The following PHACTR4 variants were observed in gnomAD, a reference collection of about 807,000 sequenced individuals.
PHACTR4 encodes protein phosphatase 1, regulatory subunit 124.
Under a neutral mutation model 72.7 loss-of-function variants are expected in PHACTR4, and 51 were observed. That is an observed-to-expected ratio of 0.70 (90% CI 0.56 to 0.89). The LOEUF (loss-of-function observed/expected upper bound fraction) is 0.89. Ranked by LOEUF, PHACTR4 falls within the 40% of genes least tolerant of loss-of-function variation. The pLI is 0.00. For missense variants in PHACTR4, 731 were observed against 861.8 expected (o/e 0.85, Z 1.90); for synonymous variants, 255 against 302.5 (o/e 0.84, Z 1.63).
intron 2 of PHACTR4, among the ~76,000 whole-genome samples, chr1:28,415,911 T>G (rs1190272619): frequency 6.6e-6 from 1 of 152,240 alleles, no homozygotes; most frequent in Non-Finnish European, 1.5e-5. Context: ...TATTTTTTTC[T>G]TATTCTGTAT....
intron 2 of PHACTR4, among the ~76,000 whole-genome samples, chr1:28,423,418 A>AATAC (rs1440728707): frequency 1.6e-5 from 2 of 126,012 alleles, no homozygotes. Context: ...CAAATAAATA[A>AATAC]ATAAATAAAT....
At chr1:28,448,710 C>G (rs1389373827) in intron 2 of PHACTR4, among the ~76,000 whole-genome samples, 1 of 117,242 alleles carries the variant, frequency 8.5e-6, no homozygotes, top group South Asian at 2.7e-4. Flanking sequence ...TGCAGTGAGC[C>G]GAGATCGTGC....
chr1:28,490,758 G>T (rs142177085), intron 10 of PHACTR4, among the ~76,000 whole-genome samples, 193 bp from the exon 11 acceptor site: 1 of 151,386 alleles, frequency 6.6e-6, no homozygotes, highest in African/African-American at 2.4e-5. Context: ...CAGGAGAATC[G>T]CTTGAACTCG....
chr1:28,434,680 T>C (rs1033750220), intron 2 of PHACTR4, among the ~76,000 whole-genome samples: 2 of 152,166 alleles, frequency 1.3e-5, no homozygotes, highest in African/African-American at 4.8e-5. Flanking sequence ...CAGTGAGCCA[T>C]GCCAAGATTT....
At chr1:28,402,792 A>G (rs1488286613) in intron 1 of PHACTR4, among the ~76,000 whole-genome samples, 2 of 152,212 alleles carry the variant, frequency 1.3e-5, no homozygotes, top group Non-Finnish European at 2.9e-5. Context: ...CTAGCAAGAC[A>G]TGCTTCTGTT....
intron 1 of PHACTR4, among the ~76,000 whole-genome samples, chr1:28,395,059 GC>G (rs1280701642): frequency 1.3e-5 from 2 of 150,948 alleles, no homozygotes; most frequent in Non-Finnish European, 2.9e-5. Flanking sequence ...GATTACAGGC[GC>G]CCACCACCAC....
chr1:28,376,455 A>G (rs1302723319), intron 1 of PHACTR4, among the ~76,000 whole-genome samples: 1 of 150,692 alleles, frequency 6.6e-6, no homozygotes, highest in Non-Finnish European at 1.5e-5. Context: ...AACTGGGACT[A>G]CAGGCATGCA....
chr1:28,436,465 A>C (rs558282741), intron 2 of PHACTR4, among the ~76,000 whole-genome samples: 1 of 152,256 alleles, frequency 6.6e-6, no homozygotes, highest in African/African-American at 2.4e-5. Flanking sequence ...GATATTAGAC[A>C]CAGGATTTGA....
rs1251115945 is a variant in PHACTR4, at chr1:28,496,617, G to A, written c.*68G>A. On this transcript the variant is annotated 3_prime_UTR_variant, in exon 14 of 14. Transcript: ENST00000373839. ...TTCCTTCTCCAAAGTGACATATGGA[G>A]GGAACTTTAGCACTTCCCAGCACAG... The A allele has an allele frequency of 3.8e-6, 6 of 1,575,022 alleles. No homozygotes were observed. In the East Asian group the frequency reaches 8.9e-5, roughly 23 times the overall value.
At chr1:28,461,054 G>A (rs1227885944) in intron 4 of PHACTR4, among the ~76,000 whole-genome samples, 1 of 152,184 alleles carries the variant, frequency 6.6e-6, no homozygotes, top group African/African-American at 2.4e-5. Flanking sequence ...ACTCTATGAA[G>A]CAAGTTATTG....
chr1:28,415,215 C>T lies in PHACTR4; in HGVS notation c.16+7752C>T, dbSNP rs528229524. ...GGCGGAGGTTGCAGTGAGCCAAGAT[C>T]ACGCCACTCCACGCCAGCCTGGGCA... On this transcript the variant is annotated intron_variant, in intron 2 of 13. Coordinates refer to ENST00000373839, the MANE Select transcript of PHACTR4 (RefSeq NM_001048183.3). 2.0e-5 allele frequency among the ~76,000 whole-genome samples: 3 copies of T among 149,790 alleles called. No homozygotes were observed. In the East Asian group the frequency reaches 5.9e-4, roughly 29 times the overall value.
At chr1:28,402,247 A>G (rs1398576439) in intron 1 of PHACTR4, among the ~76,000 whole-genome samples, 2 of 152,124 alleles carry the variant, frequency 1.3e-5, no homozygotes, top group Admixed American at 1.3e-4. Flanking sequence ...TGCCCTACTC[A>G]TGAATAGGGA....
At chr1:28,467,399 G>GTGTGTGTA (rs1334158755) in intron 6 of PHACTR4, among the ~76,000 whole-genome samples, 5 of 151,804 alleles carry the variant, frequency 3.3e-5, no homozygotes, top group African/African-American at 1.2e-4. Context: ...GTGTGTGTGT[G>GTGTGTGTA]TGTGTGTGTG....
At chr1:28,496,308 G>A (rs781075421) in intron 13 of PHACTR4, among the ~76,000 whole-genome samples, 15 of 151,908 alleles carry the variant, frequency 9.9e-5, no homozygotes, top group Non-Finnish European at 2.1e-4. Context: ...CGCCCGCCTC[G>A]GCCTCCCAAA....
At chr1:28,421,123 C>A (rs1172709926) in intron 2 of PHACTR4, among the ~76,000 whole-genome samples, 1 of 152,184 alleles carries the variant, frequency 6.6e-6, no homozygotes, top group Non-Finnish European at 1.5e-5. Flanking sequence ...ACGTCACTGG[C>A]TGACTTCTGC....
intron 10 of PHACTR4, chr1:28,489,865 T>C (rs1432673812): frequency 1.9e-6 from 1 of 519,004 alleles, no homozygotes; most frequent in African/African-American, 1.9e-5. Context: ...GTCTGACCAA[T>C]CCATCCCCTG....
At chr1:28,473,508 AG>A (rs1267655011) in intron 6 of PHACTR4, 45 bp from the exon 7 acceptor site, 2 of 1,438,920 alleles carry the variant, frequency 1.4e-6, no homozygotes, top group Non-Finnish European at 1.9e-6. Context: ...GGCCCTTCAA[AG>A]CATTGGAAAG....
chr1:28,455,847 C>T (rs2124458422), intron 2 of PHACTR4, among the ~76,000 whole-genome samples: 1 of 152,236 alleles, frequency 6.6e-6, no homozygotes, highest in South Asian at 2.1e-4. Flanking sequence ...TTTGAGATAA[C>T]TGAGTCAGGG....
chr1:28,461,329 T>C (rs1658793836), intron 4 of PHACTR4, among the ~76,000 whole-genome samples: 1 of 152,032 alleles, frequency 6.6e-6, no homozygotes, highest in Admixed American at 6.6e-5. Context: ...TAGTACCAGC[T>C]ACTTGGGAGG....
Sources: allele counts gnomAD v4.1 joint callset (sites outside exome capture counted in the v4.1 genomes callset), GRCh38; gene constraint gnomAD v4.1.1; transcripts MANE v1.5; gene names NCBI Gene and HGNC (gene_info 2026-07-23, HGNC 2026-07-21).